The following OXNAD1 variants were observed in gnomAD, a reference collection of about 807,000 sequenced individuals.
OXNAD1 encodes oxidoreductase NAD binding domain containing 1, also known as oxidoreductase NAD-binding domain-containing protein 1.
In OXNAD1, 34 loss-of-function variants were observed where a neutral mutation model predicts 32.9. The ratio of observed to expected loss-of-function variants is 1.03; its 90% CI spans 0.79 to 1.38. The LOEUF (loss-of-function observed/expected upper bound fraction) is 1.38. Among genes scored for constraint, OXNAD1 ranks in the 40% most tolerant of loss-of-function variants. OXNAD1 has a pLI of 0.00. For synonymous variants in OXNAD1, 134 were observed against 135.2 expected, an observed-to-expected ratio of 0.99 and a Z score of 0.06; for missense variants, 407 against 379.4, an observed-to-expected ratio of 1.07 and a Z score of -0.60.
At chr3:16,267,625 G>GTCTC (rs1219792482) in intron 1 of OXNAD1, among the ~76,000 whole-genome samples, 1 of 152,134 alleles carries the variant, frequency 6.6e-6, no homozygotes, top group Non-Finnish European at 1.5e-5. Context: ...TGTCATCACT[G>GTCTC]GAGAGATGTC....
intron 9 of OXNAD1, among the ~76,000 whole-genome samples, chr3:16,311,827 T>C (rs1488627730): frequency 6.6e-6 from 1 of 152,206 alleles, no homozygotes; most frequent in Non-Finnish European, 1.5e-5. Flanking sequence ...AGTGGCCTCC[T>C]ATTAAGCCTT....
Position 16,303,264 on chromosome 3 carries a change from A to G in OXNAD1, c.785-144A>G. 1 of 912,824 alleles carries G rather than the reference A, an allele frequency of 1.1e-6. No individual in the cohort carries two copies. Among genetic ancestry groups the G allele is most frequent in the Non-Finnish European group, 1.7e-6 (1 of 599,634 alleles). The allele number at this position is 912,824 out of a possible 1,614,324, so 56.5% of individuals were successfully genotyped here. A position where few individuals can be genotyped will look rare whatever the true frequency, so the allele number is the denominator to read the frequency against. On this transcript the variant is annotated intron_variant, in intron 8 of 8. Transcript: ENST00000285083. The surrounding 1 kb of genome is among the most constrained non-coding windows in gnomAD (Gnocchi z 4.8). Reference sequence around the variant, plus strand: ...CTTGGGTCTGGGCCCAGATGCCAATAGGAGCCATACTGTGAATGGCTTAAG... The same window carrying G: ...CTTGGGTCTGGGCCCAGATGCCAATGGGAGCCATACTGTGAATGGCTTAAG...
Position 16,271,816 on chromosome 3 carries a change from C to T in OXNAD1, c.183+94C>T. 4.8e-6 allele frequency: 5 copies of T among 1,041,066 alleles called. No homozygotes were observed. The South Asian group carries it at 8.1e-5, about 17-fold the overall frequency. 64.5% of individuals were successfully genotyped at this position (1,041,066 alleles called of 1,614,324 possible). A position where few individuals can be genotyped will look rare whatever the true frequency, so the allele number is the denominator to read the frequency against. ...GGGTAAAGCATTAGATGAGTCTGGT[C>T]CTTTTGAAGGAGAGTTGGGAAGTTT... On this transcript the variant is annotated intron_variant, in intron 4 of 8. Coordinates refer to ENST00000285083, the MANE Select transcript of OXNAD1 (RefSeq NM_138381.5). The surrounding 1 kb of genome is among the most constrained non-coding windows in gnomAD (Gnocchi z 4.6).
Position 16,345,742 on chromosome 3 carries a change from T to TC in OXNAD1, c.*31-3432dup, listed in dbSNP as rs2071613423. On this transcript the variant is annotated intron_variant, in intron 9 of 9. Coordinates refer to the OXNAD1 transcript ENST00000606098. The surrounding 1 kb of genome is among the most constrained non-coding windows in gnomAD (Gnocchi z 5.2). ...GCTTGCAGATAGCAGACTGTGGGAC[T>TC]CCTCAGCCTCCATAATCACATGAGC... is the stretch of plus-strand genomic sequence containing the variant. 6.6e-6 allele frequency among the ~76,000 whole-genome samples: 1 copy of TC among 151,546 alleles called. No homozygotes were observed. Among genetic ancestry groups the TC allele is most frequent in the African/African-American group, 2.4e-5 (1 of 41,194 alleles).
chr3:16,309,432 C>T (rs2067802399), downstream of OXNAD1, among the ~76,000 whole-genome samples: 1 of 151,896 alleles, frequency 6.6e-6, no homozygotes, highest in African/African-American at 2.4e-5. Flanking sequence ...CAGTCTCATA[C>T]TTAAGTATTT....
chr3:16,340,344 G>C (rs1188293712), downstream of OXNAD1, among the ~76,000 whole-genome samples: 2 of 152,232 alleles, frequency 1.3e-5, no homozygotes, highest in African/African-American at 4.8e-5. Context: ...CCTGTGAAGA[G>C]GTTCAGGTTA....
At position 16,336,005 on chromosome 3, in the gene OXNAD1, C is replaced by T. The variant is rs1466926042; in HGVS notation, c.*31-1107C>T. Among the ~76,000 whole-genome samples the T allele has an allele frequency of 3.3e-5, 5 of 152,176 alleles. No individual in the cohort carries two copies. The highest frequency in any genetic ancestry group is 1.9e-4 in the East Asian group (1 of 5,190). The stretch of plus-strand genomic sequence containing the variant: ...GGCTGCCTGGGCCCTGCTCAGCACA[C>T]GCTGGCTATAGCGGCACTCGAGGAG... On this transcript the variant is annotated intron_variant, in intron 9 of 9. Coordinates refer to the OXNAD1 transcript ENST00000435829. The surrounding 1 kb of genome is among the most constrained non-coding windows in gnomAD (Gnocchi z 6.0).
Position 16,334,255 on chromosome 3 carries a change from G to T in OXNAD1, c.*31-2857G>T, listed in dbSNP as rs1335164895. On this transcript the variant is annotated intron_variant, in intron 9 of 9. Coordinates refer to the OXNAD1 transcript ENST00000435829. This position sits in a 1 kb window ranked among gnomAD's most constrained non-coding sequence, Gnocchi z 4.3. ...GAACTGGTAAAAACCCAAAAGTTAG[G>T]CAGCCCGCTTTGTTGCCAAGGCCGT... Among the ~76,000 whole-genome samples the T allele has an allele frequency of 6.6e-6, 1 of 152,174 alleles. No individual in the cohort carries two copies. Among genetic ancestry groups the T allele is most frequent in the Non-Finnish European group, 1.5e-5 (1 of 68,038 alleles).
At position 16,301,496 on chromosome 3, in the gene OXNAD1, T is replaced by A; in HGVS notation, c.433-130T>A. On this transcript the variant is annotated intron_variant, in intron 6 of 8. Transcript: ENST00000285083. The surrounding 1 kb of genome is among the most constrained non-coding windows in gnomAD (Gnocchi z 4.1). ...TCAATTCACAGGGCATCGGGAAAATTGGGAGCAAGCTATAAAAATAGTCTT... is the reference window on the plus strand; with the variant it reads ...TCAATTCACAGGGCATCGGGAAAATAGGGAGCAAGCTATAAAAATAGTCTT... The A allele has an allele frequency of 8.9e-7, 1 of 1,122,420 alleles. No homozygotes were observed. The highest frequency in any genetic ancestry group is 2.7e-5 in the Admixed American group (1 of 36,730). The allele number at this position is 1,122,420 out of a possible 1,614,324, so 69.5% of individuals were successfully genotyped here.
downstream of OXNAD1, among the ~76,000 whole-genome samples, chr3:16,306,250 G>A (rs963766574): frequency 2.2e-4 from 33 of 152,052 alleles, no homozygotes; most frequent in Middle Eastern, 3.2e-3. Context: ...ATGACTTCTC[G>A]TGCATCCATC....
At chr3:16,276,515 A>ATTTT in intron 4 of OXNAD1, 1 of 143,052 alleles carries the variant, frequency 7.0e-6, no homozygotes, top group South Asian at 1.9e-4. Context: ...CAATCTTGCT[A>ATTTT]TTTTTTTTTT....
At chr3:16,333,135 T>C (rs556541751) in intron 9 of OXNAD1, among the ~76,000 whole-genome samples, 11 of 152,322 alleles carry the variant, frequency 7.2e-5, no homozygotes, top group Admixed American at 7.2e-4. Flanking sequence ...TTCCTGCACT[T>C]AGGAACACTA....
chr3:16,278,802 C>G (rs79197066), intron 4 of OXNAD1, among the ~76,000 whole-genome samples: 2,949 of 152,278 alleles, frequency 0.019, 88 homozygotes, highest in East Asian at 0.11. Flanking sequence ...TGGCTGGGCC[C>G]CTGGGGCAGA....
intron 5 of OXNAD1, among the ~76,000 whole-genome samples, chr3:16,286,974 T>C (rs2066117652): frequency 6.6e-6 from 1 of 152,208 alleles, no homozygotes; most frequent in African/African-American, 2.4e-5. Flanking sequence ...TGAATTTAAA[T>C]ACTTTGCCTA....
intron 9 of OXNAD1, among the ~76,000 whole-genome samples, chr3:16,326,305 A>G (rs1012014877): frequency 6.6e-6 from 1 of 152,222 alleles, no homozygotes; most frequent in Non-Finnish European, 1.5e-5. Flanking sequence ...CCAGTGCTTG[A>G]TCTTGGCCAA....
rs977718635 is a variant in OXNAD1 at position 16,299,923 on chromosome 3, AT to A, written c.433-1702del. 1.8e-4 allele frequency among the ~76,000 whole-genome samples: 27 copies of A among 152,256 alleles called. No homozygotes were observed. The highest frequency in any genetic ancestry group is 6.0e-4 in the African/African-American group (25 of 41,462). On this transcript the variant is annotated intron_variant, in intron 6 of 8. Transcript: ENST00000285083. The surrounding 1 kb of genome is among the most constrained non-coding windows in gnomAD (Gnocchi z 4.4). ...AAAATTCCTTCTTATGTAGAGCCAG[AT>A]ACTCGGGAGTTCCACCCACTGTGAG... is the stretch of plus-strand genomic sequence containing the variant.
chr3:16,270,665 CT>C (rs1191725210), intron 2 of OXNAD1, among the ~76,000 whole-genome samples: 2 of 152,132 alleles, frequency 1.3e-5, no homozygotes, highest in Non-Finnish European at 2.9e-5. Context: ...GTCATGTGAA[CT>C]TGGCCAGAGA....
rs76658609 is a variant in OXNAD1 at position 16,316,629 on chromosome 3, C to T, written c.*30+13037C>T. ...TTCTAACACTGGGTCATTAATGACA[C>T]CTTTCCAGTGGATGTGCAAAAACCA... On this transcript the variant is annotated intron_variant, in intron 9 of 9. Coordinates refer to the OXNAD1 transcript ENST00000435829. The surrounding 1 kb of genome is among the most constrained non-coding windows in gnomAD (Gnocchi z 4.5). The T allele has an allele frequency of 1.0e-3, 676 of 672,888 alleles. 3 individuals carry two copies. Among genetic ancestry groups the T allele is most frequent in the African/African-American group, 8.8e-3 (493 of 55,964 alleles). 41.7% of individuals were successfully genotyped at this position (672,888 alleles called of 1,614,324 possible).
intron 2 of OXNAD1, among the ~76,000 whole-genome samples, chr3:16,270,580 T>G (rs1341262736): frequency 6.6e-6 from 1 of 152,240 alleles, no homozygotes; most frequent in African/African-American, 2.4e-5. Context: ...AAAAGACTTA[T>G]GCAGTACTCT....
Sources: allele counts gnomAD v4.1 joint callset (sites outside exome capture counted in the v4.1 genomes callset), GRCh38; gene constraint gnomAD v4.1.1; non-coding constraint Gnocchi (gnomAD v3.1); transcripts MANE v1.5; gene names NCBI Gene and HGNC (gene_info 2026-07-23, HGNC 2026-07-21).